Variants in CACNA1H observed in about 807,000 individuals in gnomAD.
CACNA1H encodes the protein voltage-dependent T-type calcium channel subunit alpha-1H.
CACNA1H carries 149 observed loss-of-function variants against 192.5 expected under a neutral mutation model. The observed-to-expected ratio is 0.77, with a 90% confidence interval of 0.68 to 0.89. The LOEUF (loss-of-function observed/expected upper bound fraction) is 0.89, where lower values mean the gene tolerates loss of function less well. Among genes scored for constraint, CACNA1H ranks in the 40% least tolerant of loss-of-function variants. The probability of loss-of-function intolerance (pLI) is 0.00; values close to 1 mark genes in which losing one functional copy is unlikely to be tolerated. For missense variants in CACNA1H, 4,257 were observed against 3,423.5 expected (o/e 1.24, Z -6.08); for synonymous variants, 2,202 against 1,475.2 (o/e 1.49, Z -11.29).
chr16:1,205,744 A>G (rs1596433210), intron 11 of CACNA1H, among the ~76,000 whole-genome samples: 1 of 152,290 alleles, frequency 6.6e-6, no homozygotes, highest in Middle Eastern at 3.4e-3. Context: ...AGAGGGGTGC[A>G]GGGTCTCCCA....
chr16:1,171,733 C>G (rs1245917563), intron 2 of CACNA1H, among the ~76,000 whole-genome samples: 1 of 152,194 alleles, frequency 6.6e-6, no homozygotes, highest in African/African-American at 2.4e-5. Context: ...CTCCTGGAGT[C>G]CCTGGAGCTC....
chr16:1,158,628 G>A (rs554915353), intron 2 of CACNA1H, among the ~76,000 whole-genome samples: 31 of 152,350 alleles, frequency 2.0e-4, no homozygotes, highest in African/African-American at 7.5e-4. Context: ...CTCAGGCCCC[G>A]CTGGGGAGGA....
intron 27 of CACNA1H, 70 bp downstream of exon 27, chr16:1,214,001 C>A: frequency 2.2e-6 from 3 of 1,368,264 alleles, no homozygotes; most frequent in Non-Finnish European, 2.0e-6. Flanking sequence ...ACACAGTGGG[C>A]ACAACCCTGG....
rs1330444590 is a variant in CACNA1H, at chr16:1,201,832, T to A, written c.1382T>A (p.Leu461Gln). 1.3e-6 allele frequency: 2 copies of A among 1,574,970 alleles called. No individual in the cohort carries two copies. Among genetic ancestry groups the A allele is most frequent in the Non-Finnish European group, 1.7e-6 (2 of 1,161,160 alleles). The part of the protein sequence containing the change: ...SEPGSCYEEL[L>Q]KYVGHIFRKV... The stretch of plus-strand genomic sequence containing the variant: ...CCTGGCAGCTGCTACGAAGAGCTGC[T>A]GAAGTACGTGGGCCACATATTCCGC... The change falls in exon 9 of 35, where the codon CTG becomes CAG. Residue 461 changes from leucine to glutamine, a missense_variant. Coordinates refer to ENST00000348261, the MANE Select transcript of CACNA1H (RefSeq NM_021098.3).
intron 2 of CACNA1H, among the ~76,000 whole-genome samples, chr16:1,169,098 C>T (rs1346124005): frequency 6.7e-6 from 1 of 149,692 alleles, no homozygotes; most frequent in African/African-American, 2.5e-5. Context: ...CTGGACTGTT[C>T]CAGATACCAG....
chr16:1,154,339 A>G (rs1418856272), intron 2 of CACNA1H, among the ~76,000 whole-genome samples: 1 of 151,482 alleles, frequency 6.6e-6, no homozygotes, highest in Non-Finnish European at 1.5e-5. Context: ...TCGGGGAGGG[A>G]GGGAAGGTCC....
In CACNA1H at chr16:1,200,750, A is replaced by T; in HGVS notation, c.1154A>T (p.Tyr385Phe). 1 of 1,559,452 alleles carries T rather than the reference A, an allele frequency of 6.4e-7. No homozygotes were observed. The highest frequency in any genetic ancestry group is 8.7e-7 in the Non-Finnish European group (1 of 1,151,736). The stretch of plus-strand genomic sequence containing the variant: ...CTGGAAGGCTGGGTGGACATCATGT[A>T]CTACGTCATGGACGCCCACTCATTC... ...ITLEGWVDIMYYVMDAHSFYN... is the reference protein window; with the variant it reads ...ITLEGWVDIMFYVMDAHSFYN... The change falls in exon 8 of 35, where the codon TAC becomes TTC. Residue 385 changes from tyrosine (Y) to phenylalanine (F), a missense_variant. Tyr to Phe is a conservative substitution (Grantham distance 22). Coordinates refer to ENST00000348261, the MANE Select transcript of CACNA1H (RefSeq NM_021098.3).
At chr16:1,182,702 G>A (rs932261233) in intron 2 of CACNA1H, among the ~76,000 whole-genome samples, 1 of 152,168 alleles carries the variant, frequency 6.6e-6, no homozygotes, top group African/African-American at 2.4e-5. Flanking sequence ...GCAGACTGGG[G>A]GTTGGCTGGG....
intron 30 of CACNA1H, 114 bp from the exon 31 acceptor site, chr16:1,216,818 C>A: frequency 1.1e-6 from 1 of 876,606 alleles, no homozygotes; most frequent in Non-Finnish European, 1.9e-6. Context: ...CCCGGAGCAC[C>A]TGGAAGAAGG....
intron 2 of CACNA1H, among the ~76,000 whole-genome samples, chr16:1,181,993 C>T (rs1021674086): frequency 2.5e-4 from 38 of 152,342 alleles, no homozygotes; most frequent in Admixed American, 9.1e-4. Flanking sequence ...CACAGGCTCA[C>T]TCTGCTGCCT....
intron 4 of CACNA1H, 117 bp downstream of exon 4, chr16:1,195,682 T>A: frequency 8.0e-7 from 1 of 1,249,194 alleles, no homozygotes; most frequent in Non-Finnish European, 1.1e-6. Context: ...GGGATCCAGG[T>A]AGAGCCAGGG....
intron 2 of CACNA1H, among the ~76,000 whole-genome samples, chr16:1,189,308 C>T (rs549772986): frequency 1.1e-3 from 169 of 151,186 alleles, no homozygotes; most frequent in Non-Finnish European, 2.0e-3. Context: ...AGCACCTGCC[C>T]AGCCCCTCAG....
In CACNA1H at chr16:1,153,375, TGGGGGCC is replaced by T. The variant is rs1961828461; in HGVS notation, c.-109_-103del. 1 of 106,966 alleles carries T rather than the reference TGGGGGCC, an allele frequency of 9.3e-6. No individual in the cohort carries two copies. Among genetic ancestry groups the T allele is most frequent in the Non-Finnish European group, 2.2e-5 (1 of 46,160 alleles). The allele number at this position is 106,966 out of a possible 1,614,324, so 6.6% of individuals were successfully genotyped here. A position where few individuals can be genotyped will look rare whatever the true frequency, so the allele number is the denominator to read the frequency against. The stretch of plus-strand genomic sequence containing the variant: ...GGGCCGGGGCCGGGGGCGGAGGCGC[TGGGGGCC>T]GGGGCCGGGGCCGGGCGCCGAGCGG... On this transcript the variant is annotated 5_prime_UTR_variant, in exon 1 of 35. Coordinates refer to ENST00000348261, the MANE Select transcript of CACNA1H (RefSeq NM_021098.3).
At chr16:1,199,712 T>C (rs1488469699) in intron 6 of CACNA1H, among the ~76,000 whole-genome samples, 1 of 140,798 alleles carries the variant, frequency 7.1e-6, no homozygotes, top group Non-Finnish European at 1.5e-5. Context: ...GAGTCTCCCC[T>C]CAGCCTTCAC....
chr16:1,217,653 A>G (rs1970139464), intron 31 of CACNA1H, among the ~76,000 whole-genome samples: 2 of 152,196 alleles, frequency 1.3e-5, no homozygotes, highest in Non-Finnish European at 2.9e-5. Flanking sequence ...AGTCACAGAC[A>G]CACACAATAA....
At chr16:1,173,299 A>G (rs1203480982) in intron 2 of CACNA1H, among the ~76,000 whole-genome samples, 1 of 152,098 alleles carries the variant, frequency 6.6e-6, no homozygotes. Context: ...CCAGCAGGCA[A>G]AAGGTGGCCA....
At chr16:1,172,846 C>T (rs930354404) in intron 2 of CACNA1H, among the ~76,000 whole-genome samples, 7 of 152,104 alleles carry the variant, frequency 4.6e-5, no homozygotes, top group Non-Finnish European at 1.0e-4. Flanking sequence ...CGGCTTTGCT[C>T]CTCCGAGGCG....
In CACNA1H at chr16:1,153,748, G is replaced by A. The variant is rs915783611; in HGVS notation, c.11G>A (p.Gly4Asp). 1 of 1,211,918 alleles carries A rather than the reference G, an allele frequency of 8.3e-7. No homozygotes were observed. 75.1% of individuals were successfully genotyped at this position (1,211,918 alleles called of 1,614,324 possible). Residue 4 changes from glycine to aspartate, a missense_variant, in exon 2 of 35, where the codon GGC becomes GAC. Physicochemically the swap from Gly to Asp is moderately conservative, Grantham distance 94 (BLOSUM62 -1). Transcript: ENST00000348261. Reference protein sequence around the residue: MTEGARAADEVRVP... With the variant: MTEDARAADEVRVP... ...CTGCCGGCCGCCACCATGACCGAGG[G>A]CGCACGGGCCGCCGACGAGGTCCGG...
At chr16:1,153,515 C>A in intron 1 of CACNA1H, 45 bp downstream of exon 1, 1 of 278,146 alleles carries the variant, frequency 3.6e-6, no homozygotes. Context: ...CTTCAACTTG[C>A]GCGAAGCGGG....
Sources: allele counts gnomAD v4.1 joint callset (sites outside exome capture counted in the v4.1 genomes callset), GRCh38; gene constraint gnomAD v4.1.1; transcripts MANE v1.5; gene names NCBI Gene and HGNC (gene_info 2026-07-23, HGNC 2026-07-21).